CCDC136: variants seen among roughly 807,000 people sequenced by gnomAD.
CCDC136 encodes the protein coiled-coil domain-containing protein 136.
A neutral mutation model predicts 141.2 loss-of-function variants in CCDC136; 100 were observed. The ratio of observed to expected loss-of-function variants is 0.71; its 90% CI spans 0.60 to 0.84. CCDC136 has a LOEUF of 0.84. CCDC136 is among the 40% of genes least tolerant of loss of function. The probability of loss-of-function intolerance (pLI) is 0.00; values close to 1 mark genes in which losing one functional copy is unlikely to be tolerated. For synonymous variants in CCDC136, 474 were observed against 531.9 expected (o/e 0.89, Z 1.50); for missense variants, 1,206 against 1,379.4 (o/e 0.87, Z 1.99).
chr7:128,809,436 GC>G lies in CCDC136; in HGVS notation c.1606-9del. ...CAGAGTAACCACCCCCTCCACACCC[GC>G]CCCCACCCACAGTGTGACACACTGC... On this transcript the variant is annotated splice_polypyrimidine_tract_variant and intron_variant, in intron 10 of 17. Coordinates refer to ENST00000297788, the MANE Select transcript of CCDC136 (RefSeq NM_022742.5). 2 of 595,328 alleles carry G rather than the reference GC, an allele frequency of 3.4e-6. No individual in the cohort carries two copies. The highest frequency in any genetic ancestry group is 2.5e-5 in the South Asian group (1 of 40,100). 36.9% of individuals were successfully genotyped at this position (595,328 alleles called of 1,614,324 possible).
At position 128,821,631 on chromosome 7, in the gene CCDC136, G is replaced by T. The variant is rs1319195531; in HGVS notation, c.*6-168G>T. 6.6e-6 allele frequency among the ~76,000 whole-genome samples: 1 copy of T among 152,210 alleles called. No homozygotes were observed. Among genetic ancestry groups the T allele is most frequent in the Non-Finnish European group, 1.5e-5 (1 of 68,034 alleles). ...CGTACAGTGTTGGGCCACATGTCTAGTGGTGCCAGGACTGAGAGATCACTT... is the reference window on the plus strand; with the variant it reads ...CGTACAGTGTTGGGCCACATGTCTATTGGTGCCAGGACTGAGAGATCACTT... On this transcript the variant is annotated intron_variant, in intron 17 of 17. Coordinates refer to ENST00000297788, the MANE Select transcript of CCDC136 (RefSeq NM_022742.5). The surrounding 1 kb of genome is among the most constrained non-coding windows in gnomAD (Gnocchi z 5.1).
intron 17 of CCDC136, among the ~76,000 whole-genome samples, chr7:128,818,474 T>C (rs1806980355): frequency 6.6e-6 from 1 of 152,236 alleles, no homozygotes; most frequent in Non-Finnish European, 1.5e-5. Context: ...CTCTTTCTAC[T>C]GAACAGTTCT....
chr7:128,792,499 C>T, intron 1 of CCDC136, 72 bp downstream of exon 1: 2 of 1,226,696 alleles, frequency 1.6e-6, no homozygotes, highest in Middle Eastern at 2.0e-4. Flanking sequence ...CTCCCTCTGA[C>T]CCCCAGGCCT....
In CCDC136 at chr7:128,809,634, T is replaced by C. The variant is rs770587267; in HGVS notation, c.1790T>C (p.Leu597Pro). 6 of 1,528,866 alleles carry C rather than the reference T, an allele frequency of 3.9e-6. No individual in the cohort carries two copies. The Admixed American group carries it at 8.1e-5, about 21-fold the overall frequency. 94.7% of individuals were successfully genotyped at this position (1,528,866 alleles called of 1,614,324 possible). ...RLTLPLPKSG[L>P]LLKSQELLTK... is the part of the protein sequence containing the mutation. ...ACACTGCCACTGCCAAAGAGTGGCC[T>C]CTTACTCAAGGTAACTCTGCCACAG... Residue 597 changes from leucine to proline, a missense_variant, in exon 11 of 18, where the codon CTC (leucine) becomes CCC (proline). Coordinates refer to ENST00000297788, the MANE Select transcript of CCDC136 (RefSeq NM_022742.5).
At chr7:128,807,157 T>C (rs1804985637) in intron 9 of CCDC136, among the ~76,000 whole-genome samples, 1 of 152,150 alleles carries the variant, frequency 6.6e-6, no homozygotes, top group Admixed American at 6.5e-5. Flanking sequence ...TATTTATTTA[T>C]TTAACTGGAA....
intron 3 of CCDC136, among the ~76,000 whole-genome samples, chr7:128,799,641 AT>A (rs11403756): frequency 1.3e-5 from 2 of 151,070 alleles, no homozygotes; most frequent in African/African-American, 2.4e-5. Context: ...GACTTCTCTT[AT>A]TTTTTTTTGA....
At chr7:128,796,105 A>G (rs1334028700) in intron 3 of CCDC136, among the ~76,000 whole-genome samples, 1 of 152,284 alleles carries the variant, frequency 6.6e-6, no homozygotes, top group East Asian at 1.9e-4. Context: ...CCTCCCGAGT[A>G]GCTGAGATTA....
chr7:128,803,556 G>A (rs1804368562), intron 4 of CCDC136, among the ~76,000 whole-genome samples: 1 of 152,210 alleles, frequency 6.6e-6, no homozygotes, highest in African/African-American at 2.4e-5. Context: ...GGAGGCCGAG[G>A]TGGGAGGATC....
At position 128,812,047 on chromosome 7, in the gene CCDC136, G is replaced by A. The variant is rs751743986; in HGVS notation, c.2276G>A (p.Arg759His). The change falls in exon 13 of 18, where the codon CGC becomes CAC. Residue 759 changes from arginine to histidine, a missense_variant. Physicochemically the swap from Arg to His is conservative, Grantham distance 29. Transcript: ENST00000297788. ...GSMVPSNENC[R>H]KTYDTTVDDN... Reference sequence around the variant, plus strand: ...ATGGTCCCCAGCAATGAGAACTGTCGCAAGACTTATGATACCACTGTGGAT... The same window carrying A: ...ATGGTCCCCAGCAATGAGAACTGTCACAAGACTTATGATACCACTGTGGAT... The A allele has an allele frequency of 1.1e-5, 18 of 1,613,998 alleles. No homozygotes were observed. The highest frequency in any genetic ancestry group is 1.4e-5 in the Non-Finnish European group (16 of 1,179,894).
chr7:128,808,590 G>A (rs1209356215), intron 10 of CCDC136: 1 of 985,416 alleles, frequency 1.0e-6, no homozygotes, highest in East Asian at 1.1e-4. Flanking sequence ...CTCTAACGAT[G>A]GTGGAGTTGG....
At chr7:128,807,267 G>C (rs1805004222) in intron 9 of CCDC136, 93 bp from the exon 10 acceptor site, 2 of 937,392 alleles carry the variant, frequency 2.1e-6, no homozygotes, top group Non-Finnish European at 2.9e-6. Context: ...AGAAGGACAA[G>C]GGAAGATGGG....
intron 3 of CCDC136, among the ~76,000 whole-genome samples, chr7:128,797,417 C>T (rs778527225): frequency 3.3e-5 from 5 of 152,146 alleles, no homozygotes; most frequent in Non-Finnish European, 7.4e-5. Context: ...AGAAAGGGTC[C>T]AGTCCCAGAG....
At position 128,794,698 on chromosome 7, in the gene CCDC136, C is replaced by T; in HGVS notation, c.276C>T (p.Leu92=). ...HEDDSLELQG[L]LEDERLASAQ... ...CTGGTGCCCCTCTCCCTGCAGGGCT[C>T]CTGGAGGATGAACGGCTAGCCAGCG... The change falls in exon 3 of 18, where the codon CTC becomes CTT. Residue 92 remains leucine, a synonymous_variant. Coordinates refer to ENST00000297788, the MANE Select transcript of CCDC136 (RefSeq NM_022742.5). This position sits in a 1 kb window ranked among gnomAD's most constrained non-coding sequence, Gnocchi z 4.3. 2.6e-6 allele frequency: 4 copies of T among 1,551,622 alleles called. No individual in the cohort carries two copies. The highest frequency in any genetic ancestry group is 2.6e-6 in the Non-Finnish European group (3 of 1,146,968).
At position 128,807,478 on chromosome 7, in the gene CCDC136, A is replaced by T. The variant is rs904921456; in HGVS notation, c.1538A>T (p.Gln513Leu). Residue 513 changes from glutamine (Q) to leucine (L), a missense_variant, in exon 10 of 18, where the codon CAG becomes CTG. By Grantham distance (113) the Gln-to-Leu change is moderately radical (BLOSUM62 -2). Coordinates refer to ENST00000297788, the MANE Select transcript of CCDC136 (RefSeq NM_022742.5). ...CTGGAGCAGGACCTCCTGCTCTGCC[A>T]GCTGGAGCTGAAAGAGCTCAAGGCC... ...DQLEQDLLLC[Q>L]LELKELKASH... 5 of 1,545,800 alleles carry T rather than the reference A, an allele frequency of 3.2e-6. No homozygotes were observed. The highest frequency in any genetic ancestry group is 4.4e-6 in the Non-Finnish European group (5 of 1,145,068).
intron 5 of CCDC136, among the ~76,000 whole-genome samples, 191 bp downstream of exon 5, chr7:128,804,952 AAGACT>A (rs1804610064): frequency 6.6e-6 from 1 of 152,122 alleles, no homozygotes; most frequent in Admixed American, 6.5e-5. Flanking sequence ...CAATTATCTC[AAGACT>A]AGAGGGAGTG....
chr7:128,806,395 G>T lies in CCDC136; in HGVS notation c.1248G>T (p.Lys416Asn). Residue 416 changes from lysine (K) to asparagine (N), a missense_variant and splice_region_variant, in exon 8 of 18, where the codon AAG (lysine) becomes AAT (asparagine). Transcript: ENST00000297788. ...KSTLVENQSEKELLCRLQKLH... is the reference protein window; with the variant it reads ...KSTLVENQSENELLCRLQKLH... Reference sequence around the variant, plus strand: ...CACTTGTAGAAAACCAGAGTGAGAAGGTAACAGCAACCAGAGGTGAGGGGA... The same window carrying T: ...CACTTGTAGAAAACCAGAGTGAGAATGTAACAGCAACCAGAGGTGAGGGGA... The T allele has an allele frequency of 6.3e-7, 1 of 1,598,462 alleles. No homozygotes were observed. Among genetic ancestry groups the T allele is most frequent in the Admixed American group, 1.7e-5 (1 of 58,700 alleles).
intron 3 of CCDC136, among the ~76,000 whole-genome samples, chr7:128,797,565 T>C (rs749186728): frequency 1.3e-5 from 2 of 152,054 alleles, no homozygotes; most frequent in African/African-American, 2.4e-5. Context: ...CTGTGTCAGG[T>C]TGCTAAGTCA....
intron 4 of CCDC136, 57 bp from the exon 5 acceptor site, chr7:128,804,593 G>T (rs1007850334): frequency 4.0e-6 from 4 of 1,011,154 alleles, no homozygotes; most frequent in Non-Finnish European, 6.1e-6. Flanking sequence ...ACTGGGGGCT[G>T]GTCATCAGTG....
At chr7:128,791,951 C>T, upstream of CCDC136, 3 of 941,750 alleles carry the variant, frequency 3.2e-6, no homozygotes, top group Non-Finnish European at 4.1e-6. The surrounding 1 kb of genome is among the most constrained non-coding windows in gnomAD (Gnocchi z 7.1). Flanking sequence ...TCCCGCACGC[C>T]CCCCACTCCT....
Sources: allele counts gnomAD v4.1 joint callset (sites outside exome capture counted in the v4.1 genomes callset), GRCh38; gene constraint gnomAD v4.1.1; non-coding constraint Gnocchi (gnomAD v3.1); transcripts MANE v1.5; gene names NCBI Gene and HGNC (gene_info 2026-07-23, HGNC 2026-07-21).